Variants in RAB44 observed in about 807,000 individuals in gnomAD.
The protein encoded by RAB44 is ras-related protein Rab-44.
In RAB44, 67 loss-of-function variants were observed where a neutral mutation model predicts 93.3. The observed-to-expected ratio is 0.72, with a 90% CI of 0.59 to 0.88. RAB44 has a LOEUF of 0.88. Ranked by LOEUF, RAB44 falls within the 40% of genes least tolerant of loss-of-function variation. The pLI, the probability that RAB44 is intolerant of heterozygous loss-of-function variation, is 0.00. For missense variants in RAB44, 1,064 were observed against 1,261.7 expected, an observed-to-expected ratio of 0.84 and a Z score of 2.37; for synonymous variants, 427 against 520.3, an observed-to-expected ratio of 0.82 and a Z score of 2.44.
At chr6:36,699,502 G>C (rs1042439267) in intron 1 of RAB44, among the ~76,000 whole-genome samples, 1 of 152,150 alleles carries the variant, frequency 6.6e-6, no homozygotes, top group Admixed American at 6.5e-5. Flanking sequence ...AAGTACATGA[G>C]ACATTGGGCG....
At chr6:36,728,611 G>T (rs1409345626) in intron 11 of RAB44, 89 bp from the exon 12 acceptor site, 5 of 1,016,252 alleles carry the variant, frequency 4.9e-6, no homozygotes, top group African/African-American at 3.2e-5. Context: ...GGGAACATGC[G>T]GGGGACACAG....
intron 1 of RAB44, among the ~76,000 whole-genome samples, chr6:36,701,622 C>A (rs896799783): frequency 6.6e-6 from 1 of 152,210 alleles, no homozygotes; most frequent in Non-Finnish European, 1.5e-5. Context: ...ACACCCTGAT[C>A]AGTGAGTTGC....
At chr6:36,708,613 A>G (rs1762707993) in intron 2 of RAB44, among the ~76,000 whole-genome samples, 1 of 152,178 alleles carries the variant, frequency 6.6e-6, no homozygotes, top group African/African-American at 2.4e-5. Context: ...TGAAATAAAC[A>G]TAGAAGAAGG....
At position 36,704,258 on chromosome 6, in the gene RAB44, C is replaced by A. The variant is rs1162341213; in HGVS notation, c.23C>A (p.Ser8Tyr). Residue 8 changes from serine to tyrosine, a missense_variant, in exon 2 of 14, where the codon TCT (serine) becomes TAT (tyrosine). Physicochemically the swap from Ser to Tyr is moderately radical, Grantham distance 144. Transcript: ENST00000612677. METGQRT[S>Y]RKVRKLGSNR... Reference sequence around the variant, plus strand: ...ACCATGGAGACTGGACAGAGAACATCTCGAAAAGTCCGGAAGCTGGGCTCC... The same window carrying A: ...ACCATGGAGACTGGACAGAGAACATATCGAAAAGTCCGGAAGCTGGGCTCC... 2.0e-6 allele frequency: 3 copies of A among 1,536,162 alleles called. No homozygotes were observed. The highest frequency in any genetic ancestry group is 1.7e-4 in the Middle Eastern group (1 of 5,990).
chr6:36,716,421 G>C (rs1411786430), intron 4 of RAB44, among the ~76,000 whole-genome samples: 1 of 148,412 alleles, frequency 6.7e-6, no homozygotes, highest in Non-Finnish European at 1.5e-5. Flanking sequence ...AGTGAGCTGA[G>C]ATCGCGCCAC....
At position 36,704,293 on chromosome 6, in the gene RAB44, C is replaced by T. The variant is rs1216389396; in HGVS notation, c.58C>T (p.Arg20Trp). ...KVRKLGSNRR[R>W]QTREPADGEG... is the part of the protein sequence containing the mutation. ...CCGGAAGCTGGGCTCCAACCGGCGG[C>T]GGCAGACAAGAGAGCCAGCTGATGG... Residue 20 changes from arginine to tryptophan, a missense_variant, in exon 2 of 14, where the codon CGG becomes TGG. By Grantham distance (101) the Arg-to-Trp change is moderately radical. Transcript: ENST00000612677. The T allele has an allele frequency of 7.2e-6, 11 of 1,536,156 alleles. No individual in the cohort carries two copies. The highest frequency in any genetic ancestry group is 5.9e-5 in the Admixed American group (3 of 51,006).
Position 36,720,464 on chromosome 6 carries a change from G to A in RAB44, c.930G>A (p.Glu310=), listed in dbSNP as rs1763044560. The part of the protein sequence containing the change: ...EAKRDLAGRL[E]EVRGQLQVTR... ...AGCGTGACCTGGCTGGGCGGCTGGA[G>A]GAGGTGCGGGGGCAGCTGCAGGTGA... is the stretch of plus-strand genomic sequence containing the variant. Residue 310 remains glutamate (E), a synonymous_variant, in exon 8 of 14, where the codon GAG becomes GAA. Transcript: ENST00000612677. 1.6e-6 allele frequency: 2 copies of A among 1,233,132 alleles called. No homozygotes were observed. Among genetic ancestry groups the A allele is most frequent in the African/African-American group, 3.1e-5 (2 of 64,568 alleles). 76.4% of individuals were successfully genotyped at this position (1,233,132 alleles called of 1,614,324 possible). A position where few individuals can be genotyped will look rare whatever the true frequency, so the allele number is the denominator to read the frequency against.
intron 1 of RAB44, among the ~76,000 whole-genome samples, chr6:36,700,974 C>A (rs1013646242): frequency 6.6e-6 from 1 of 152,178 alleles, no homozygotes; most frequent in Non-Finnish European, 1.5e-5. Flanking sequence ...GTCACTGTTT[C>A]CATGGAGCAA....
intron 1 of RAB44, among the ~76,000 whole-genome samples, chr6:36,698,972 GTT>G (rs1762448935): frequency 1.3e-5 from 2 of 152,116 alleles, no homozygotes; most frequent in African/African-American, 4.8e-5. Context: ...CTGTTTTTAG[GTT>G]GTGCTGTCAG....
At position 36,718,049 on chromosome 6, in the gene RAB44, C is replaced by T. The variant is rs985648642; in HGVS notation, c.663C>T (p.Arg221=). 5.6e-5 allele frequency: 69 copies of T among 1,232,066 alleles called. 1 individual carries two copies. Among genetic ancestry groups the T allele is most frequent in the Non-Finnish European group, 6.3e-5 (62 of 988,004 alleles). 76.3% of individuals were successfully genotyped at this position (1,232,066 alleles called of 1,614,324 possible). ...TLRKRDSDHH[R]EVQQLYEEME... ...CCAGGCGTGACTCTGACCACCACCGCGAGGTCCAGCAGCTCTATGAGGAGA... is the reference window on the plus strand; with the variant it reads ...CCAGGCGTGACTCTGACCACCACCGTGAGGTCCAGCAGCTCTATGAGGAGA... Residue 221 remains arginine, a synonymous_variant, in exon 6 of 14, where the codon CGC becomes CGT. Coordinates refer to ENST00000612677, the MANE Select transcript of RAB44 (RefSeq NM_001257357.2).
At position 36,722,427 on chromosome 6, in the gene RAB44, C is replaced by G. The variant is rs1763114691; in HGVS notation, c.2293C>G (p.Pro765Ala). 7.0e-7 allele frequency: 1 copy of G among 1,425,466 alleles called. No homozygotes were observed. The highest frequency in any genetic ancestry group is 2.5e-5 in the East Asian group (1 of 39,368). The allele number at this position is 1,425,466 out of a possible 1,614,324, so 88.3% of individuals were successfully genotyped here. A position where few individuals can be genotyped will look rare whatever the true frequency, so the allele number is the denominator to read the frequency against. The change falls in exon 9 of 14, where the codon CCT (proline) becomes GCT (alanine). Residue 765 changes from proline (P) to alanine (A), a missense_variant. Pro to Ala is a conservative substitution (Grantham distance 27). Transcript: ENST00000612677. ...AGGACCCCAGGAACCCACGCAAACC[C>G]CTCCCACCATGGCTGAGCAGGAAGC... ...GAGPQEPTQT[P>A]PTMAEQEAQP...
Position 36,728,744 on chromosome 6 carries a change from G to A in RAB44, c.2841G>A (p.Lys947=), listed in dbSNP as rs769495250. ...DGVVILLLGN[K]MDCEEERQVS... is the part of the protein sequence containing the mutation. ...TGGTCATCCTTCTCCTGGGAAACAA[G>A]ATGGACTGTGAGGAGGAACGGCAAG... The change falls in exon 12 of 14, where the codon AAG becomes AAA. Residue 947 remains lysine (K), a synonymous_variant. Coordinates refer to ENST00000612677, the MANE Select transcript of RAB44 (RefSeq NM_001257357.2). 1.3e-6 allele frequency: 2 copies of A among 1,550,656 alleles called. No homozygotes were observed. Among genetic ancestry groups the A allele is most frequent in the South Asian group, 2.4e-5 (2 of 84,060 alleles).
rs1430276431 is a variant in RAB44, at chr6:36,717,183, G to A, written c.495-90G>A. The A allele has an allele frequency of 7.6e-6, 9 of 1,182,620 alleles. No individual in the cohort carries two copies. The Middle Eastern group carries it at 9.6e-4, about 126-fold the overall frequency. 73.3% of individuals were successfully genotyped at this position (1,182,620 alleles called of 1,614,324 possible). ...AGGTGCCAAAGTCTCTTGGAGCGCT[G>A]CAGTGAAAACTGAGGAGTGGGGCTC... On this transcript the variant is annotated intron_variant, in intron 4 of 13. Transcript: ENST00000612677. The surrounding 1 kb of genome is among the most constrained non-coding windows in gnomAD (Gnocchi z 4.1).
chr6:36,719,437 C>T (rs1263756369), intron 7 of RAB44, among the ~76,000 whole-genome samples: 2 of 152,186 alleles, frequency 1.3e-5, no homozygotes, highest in African/African-American at 4.8e-5. Flanking sequence ...CCCCTCCAAT[C>T]ATTTATTCCT....
At chr6:36,721,119 C>T in intron 8 of RAB44, 32 bp from the exon 9 acceptor site, 2 of 1,234,330 alleles carry the variant, frequency 1.6e-6, no homozygotes, top group East Asian at 6.3e-5. Context: ...ACCTGCCCCT[C>T]CCCGATCTTT....
At position 36,727,731 on chromosome 6, in the gene RAB44, G is replaced by T. The variant is rs1180914463; in HGVS notation, c.2796+40G>T. ...GCTGGGGTTGGCCCCAGTCCCTCCA[G>T]TCAAGAGGGATCTTATATCCTGCCC... On this transcript the variant is annotated intron_variant, in intron 11 of 13. Transcript: ENST00000612677. 5.4e-6 allele frequency: 7 copies of T among 1,296,692 alleles called. No individual in the cohort carries two copies. The East Asian group carries it at 1.8e-4, about 33-fold the overall frequency. 80.3% of individuals were successfully genotyped at this position (1,296,692 alleles called of 1,614,324 possible).
At position 36,717,198 on chromosome 6, in the gene RAB44, G is replaced by C. The variant is rs1762943019; in HGVS notation, c.495-75G>C. 8.2e-7 allele frequency: 1 copy of C among 1,215,452 alleles called. No individual in the cohort carries two copies. The highest frequency in any genetic ancestry group is 1.0e-6 in the Non-Finnish European group (1 of 973,422). The allele number at this position is 1,215,452 out of a possible 1,614,324, so 75.3% of individuals were successfully genotyped here. On this transcript the variant is annotated intron_variant, in intron 4 of 13. Transcript: ENST00000612677. This position sits in a 1 kb window ranked among gnomAD's most constrained non-coding sequence, Gnocchi z 4.1. Reference sequence around the variant, plus strand: ...TTGGAGCGCTGCAGTGAAAACTGAGGAGTGGGGCTCCCCTTGCTTCTCCAT... The same window carrying C: ...TTGGAGCGCTGCAGTGAAAACTGAGCAGTGGGGCTCCCCTTGCTTCTCCAT...
intron 1 of RAB44, among the ~76,000 whole-genome samples, chr6:36,701,146 G>A (rs1168299825): frequency 3.3e-5 from 5 of 152,178 alleles, no homozygotes; most frequent in African/African-American, 1.2e-4. Context: ...GTCTCACTCT[G>A]TTGCCTAGGC....
intron 3 of RAB44, among the ~76,000 whole-genome samples, chr6:36,714,158 A>G (rs1762858254): frequency 6.6e-6 from 1 of 152,190 alleles, no homozygotes; most frequent in Admixed American, 6.5e-5. Context: ...TCTTCTCCCC[A>G]GTAAAAGGCT....
Sources: gnomAD v4.1 joint callset for allele counts (sites outside exome capture counted in the v4.1 genomes callset) on GRCh38, gnomAD v4.1.1 for gene constraint, Gnocchi (gnomAD v3.1) non-coding constraint, MANE v1.5 for transcripts, NCBI Gene and HGNC (gene_info 2026-07-23, HGNC 2026-07-21) for gene names.